The following ANO10 variants were observed in gnomAD, a reference collection of about 807,000 sequenced individuals.
ANO10 encodes anoctamin 10, also known as anoctamin-10.
ANO10 carries 77 observed loss-of-function variants against 74.7 expected under a neutral mutation model. The observed-to-expected ratio is 1.03, with a 90% CI of 0.86 to 1.25. The LOEUF (loss-of-function observed/expected upper bound fraction) is 1.25. ANO10 is among the 50% of genes most tolerant of loss of function. The pLI, the probability that ANO10 is intolerant of heterozygous loss-of-function variation, is 0.00. For synonymous variants in ANO10, 279 were observed against 284.9 expected (o/e 0.98, Z 0.21); for missense variants, 721 against 778.1 (o/e 0.93, Z 0.87).
At chr3:43,428,355 T>C (rs1469638077) in intron 12 of ANO10, among the ~76,000 whole-genome samples, 1 of 152,096 alleles carries the variant, frequency 6.6e-6, no homozygotes, top group Non-Finnish European at 1.5e-5. Flanking sequence ...CAGCCAACCC[T>C]GAACCTTTAA....
chr3:43,604,009 G>A (rs2082447413), intron 2 of ANO10, among the ~76,000 whole-genome samples: 1 of 152,130 alleles, frequency 6.6e-6, no homozygotes, highest in African/African-American at 2.4e-5. Flanking sequence ...CCATGCATCT[G>A]ACCATCTCCA....
chr3:43,596,592 C>A (rs1259101469), intron 4 of ANO10, among the ~76,000 whole-genome samples: 1 of 152,172 alleles, frequency 6.6e-6, no homozygotes, highest in Admixed American at 6.5e-5. Flanking sequence ...CCCTTCCTTA[C>A]ACCTTATACA....
chr3:43,537,622 C>CAA (rs1224507091), intron 11 of ANO10, among the ~76,000 whole-genome samples: 1 of 150,788 alleles, frequency 6.6e-6, no homozygotes, highest in Admixed American at 6.6e-5. Flanking sequence ...CACACACACA[C>CAA]ACACACACAC....
At chr3:43,396,084 T>G (rs137945234) in intron 12 of ANO10, among the ~76,000 whole-genome samples, 1 of 151,834 alleles carries the variant, frequency 6.6e-6, no homozygotes, top group Non-Finnish European at 1.5e-5. Flanking sequence ...TTATTTTTTT[T>G]TTTTGCTTGA....
At chr3:43,590,512 C>G (rs915575674) in intron 4 of ANO10, among the ~76,000 whole-genome samples, 5 of 151,868 alleles carry the variant, frequency 3.3e-5, no homozygotes, top group Admixed American at 3.3e-4. Context: ...AGAGAAGATA[C>G]AGCATCACCT....
chr3:43,658,122 G>A (rs896493661), intron 1 of ANO10, among the ~76,000 whole-genome samples: 2 of 152,102 alleles, frequency 1.3e-5, no homozygotes, highest in African/African-American at 4.8e-5. Context: ...AAAATAATAT[G>A]AAATAATTAC....
intron 11 of ANO10, among the ~76,000 whole-genome samples, chr3:43,471,110 A>G (rs1425788419): frequency 6.6e-6 from 1 of 152,202 alleles, no homozygotes. Flanking sequence ...GGATGCTATA[A>G]TGATTTCTTC....
intron 1 of ANO10, among the ~76,000 whole-genome samples, chr3:43,651,190 T>C (rs2083782650): frequency 6.6e-6 from 1 of 152,190 alleles, no homozygotes; most frequent in Non-Finnish European, 1.5e-5. Flanking sequence ...AAAATGTCAT[T>C]CAGTTCTATT....
intron 11 of ANO10, among the ~76,000 whole-genome samples, chr3:43,449,102 C>T (rs995690598): frequency 7.9e-5 from 12 of 152,062 alleles, no homozygotes; most frequent in African/African-American, 2.9e-4. Flanking sequence ...GTCTCTATCT[C>T]CTGACCTCAA....
chr3:43,514,314 T>C (rs2077624894), intron 11 of ANO10, among the ~76,000 whole-genome samples: 2 of 152,098 alleles, frequency 1.3e-5, no homozygotes, highest in African/African-American at 4.8e-5. Flanking sequence ...AAAAGTCATA[T>C]TGTGCTAACA....
chr3:43,399,873 A>G (rs1277459711), intron 12 of ANO10, among the ~76,000 whole-genome samples: 1 of 152,048 alleles, frequency 6.6e-6, no homozygotes, highest in Non-Finnish European at 1.5e-5. Context: ...GATCCCTCAT[A>G]GTTCCAAAGC....
intron 9 of ANO10, among the ~76,000 whole-genome samples, chr3:43,557,935 T>G (rs915925121): frequency 6.6e-6 from 1 of 151,244 alleles, no homozygotes; most frequent in Non-Finnish European, 1.5e-5. Context: ...TGAGAGCCCA[T>G]CTCTACAAAA....
rs144764668 is a variant in ANO10, at chr3:43,397,837, GTC to G, written c.1915-30865_1915-30864del. 7.7e-3 allele frequency among the ~76,000 whole-genome samples: 1,171 copies of G among 152,282 alleles called. 12 individuals carry two copies. The highest frequency in any genetic ancestry group is 0.024 in the African/African-American group (1,004 of 41,558). On this transcript the variant is annotated intron_variant, in intron 12 of 12. Coordinates refer to ENST00000292246, the MANE Select transcript of ANO10 (RefSeq NM_018075.5). ...CTGGGGCGAATGTAGAACTCAAATAGTCTCTCTTCTATCTCTATCTCTCAGAG... is the reference window on the plus strand; with the variant it reads ...CTGGGGCGAATGTAGAACTCAAATAGTCTCTTCTATCTCTATCTCTCAGAG...
At chr3:43,675,362 C>T (rs757856301) in intron 1 of ANO10, among the ~76,000 whole-genome samples, 1 of 152,046 alleles carries the variant, frequency 6.6e-6, no homozygotes, top group Non-Finnish European at 1.5e-5. Flanking sequence ...AAGCATAATC[C>T]ATTTTTAGAA....
At chr3:43,506,218 C>T (rs2077289025) in intron 11 of ANO10, among the ~76,000 whole-genome samples, 1 of 152,172 alleles carries the variant, frequency 6.6e-6, no homozygotes, top group African/African-American at 2.4e-5. Context: ...TGTGAAGTTG[C>T]TCAGGCCAAA....
intron 11 of ANO10, among the ~76,000 whole-genome samples, chr3:43,450,385 A>C (rs1190128655): frequency 6.6e-6 from 1 of 152,110 alleles, no homozygotes; most frequent in Non-Finnish European, 1.5e-5. Context: ...TACTAAAAAT[A>C]CAAAAATTAG....
intron 10 of ANO10, among the ~76,000 whole-genome samples, chr3:43,554,293 A>C (rs1176699104): frequency 6.7e-6 from 1 of 150,336 alleles, no homozygotes; most frequent in Non-Finnish European, 1.5e-5. Flanking sequence ...TCTCGGCTTC[A>C]AGTGATTCTT....
intron 11 of ANO10, among the ~76,000 whole-genome samples, chr3:43,531,455 C>T (rs1422174438): frequency 1.3e-5 from 2 of 152,102 alleles, no homozygotes; most frequent in African/African-American, 2.4e-5. Context: ...ATGGAAGAGT[C>T]TTTTCTTGCA....
At chr3:43,379,367 T>G (rs2091897086) in intron 12 of ANO10, among the ~76,000 whole-genome samples, 1 of 152,092 alleles carries the variant, frequency 6.6e-6, no homozygotes, top group South Asian at 2.1e-4. Flanking sequence ...AAGTGAGGAG[T>G]GAGCCCTGAA....
Sources: allele counts gnomAD v4.1 joint callset (sites outside exome capture counted in the v4.1 genomes callset), GRCh38; gene constraint gnomAD v4.1.1; transcripts MANE v1.5; gene names NCBI Gene and HGNC (gene_info 2026-07-23, HGNC 2026-07-21).